The following TTC6 variants were observed in gnomAD, a reference collection of about 807,000 sequenced individuals.
TTC6 encodes the protein tetratricopeptide repeat protein 6.
A neutral mutation model predicts 210.4 loss-of-function variants in TTC6; 172 were observed. That is an observed-to-expected ratio of 0.82 (90% CI 0.72 to 0.93). TTC6 has a LOEUF of 0.93. Ranked by LOEUF, TTC6 falls within the 40% of genes least tolerant of loss-of-function variation. The probability of loss-of-function intolerance (pLI) is 0.00; values close to 1 mark genes in which losing one functional copy is unlikely to be tolerated. For missense variants in TTC6, 2,414 were observed against 2,318.1 expected, an observed-to-expected ratio of 1.04 and a Z score of -0.85; for synonymous variants, 804 against 819.6, an observed-to-expected ratio of 0.98 and a Z score of 0.32.
intron 1 of TTC6, among the ~76,000 whole-genome samples, chr14:37,675,051 A>G (rs1001761920): frequency 6.6e-6 from 1 of 151,894 alleles, no homozygotes; most frequent in African/African-American, 2.4e-5. Context: ...ATCACATCCA[A>G]TTACTTTTTT....
intron 6 of TTC6, among the ~76,000 whole-genome samples, chr14:37,718,847 A>G (rs899118641): frequency 2.0e-5 from 3 of 152,066 alleles, no homozygotes; most frequent in Admixed American, 6.6e-5. Context: ...GTGAGGTGGG[A>G]AGATAACCTG....
chr14:37,732,814 T>G (rs2095891327), intron 7 of TTC6, among the ~76,000 whole-genome samples: 1 of 150,432 alleles, frequency 6.6e-6, no homozygotes, highest in African/African-American at 2.4e-5. Context: ...GAGACGGGGT[T>G]TCACCATGGC....
chr14:37,805,811 C>T (rs1188682640), intron 21 of TTC6, among the ~76,000 whole-genome samples: 1 of 152,150 alleles, frequency 6.6e-6, no homozygotes, highest in Non-Finnish European at 1.5e-5. Context: ...AGCGATTCTC[C>T]TGCCTCAGCC....
chr14:37,729,078 GAA>G (rs2095879528), intron 7 of TTC6, among the ~76,000 whole-genome samples: 1 of 151,858 alleles, frequency 6.6e-6, no homozygotes, highest in South Asian at 2.1e-4. Flanking sequence ...TAAAATACTT[GAA>G]TATATATATC....
chr14:37,711,152 T>A (rs1423881231), intron 5 of TTC6, among the ~76,000 whole-genome samples: 2 of 152,186 alleles, frequency 1.3e-5, no homozygotes, highest in Non-Finnish European at 2.9e-5. Context: ...CCAATGATTC[T>A]GCTTCCCAGG....
intron 1 of TTC6, among the ~76,000 whole-genome samples, chr14:37,629,295 G>T (rs2095665434): frequency 6.6e-6 from 1 of 152,102 alleles, no homozygotes. Context: ...GCAGTGGTTT[G>T]TAGTTCTCCT....
chr14:37,716,798 C>T (rs964524548), intron 6 of TTC6, among the ~76,000 whole-genome samples: 2 of 152,214 alleles, frequency 1.3e-5, no homozygotes, highest in African/African-American at 2.4e-5. Flanking sequence ...ACAACCTCAT[C>T]AACCAGTAGG....
Position 37,841,651 on chromosome 14 carries a change from T to C in TTC6, c.5505T>C (p.Ala1835=). 3 of 1,603,386 alleles carry C rather than the reference T, an allele frequency of 1.9e-6. No homozygotes were observed. The South Asian group carries it at 3.4e-5, about 18-fold the overall frequency. Residue 1835 remains alanine (A), a synonymous_variant, in exon 30 of 31, where the codon GCT becomes GCC. Coordinates refer to ENST00000553443, the Ensembl canonical transcript of TTC6. ...ACTGCTTAAAGCAATATGAACTAGC[T>C]GAGGAAGACCTTAATAAAGGTACAC...
intron 7 of TTC6, among the ~76,000 whole-genome samples, chr14:37,725,887 A>G (rs766553798): frequency 1.3e-5 from 2 of 152,088 alleles, no homozygotes; most frequent in African/African-American, 2.4e-5. Context: ...AAATGTGGTA[A>G]TCTTTTTCCT....
intron 1 of TTC6, among the ~76,000 whole-genome samples, chr14:37,660,335 G>A (rs555305290): frequency 2.6e-5 from 4 of 152,078 alleles, no homozygotes; most frequent in South Asian, 2.1e-4. Context: ...CATCACTTAG[G>A]TATTAAGCCC....
intron 16 of TTC6, among the ~76,000 whole-genome samples, chr14:37,791,308 A>G (rs892768106): frequency 1.3e-5 from 2 of 152,208 alleles, no homozygotes; most frequent in Non-Finnish European, 2.9e-5. Context: ...TAAAAACACT[A>G]ATACCATGTA....
chr14:37,660,283 T>A (rs770157813), intron 1 of TTC6, among the ~76,000 whole-genome samples: 3 of 152,046 alleles, frequency 2.0e-5, no homozygotes, highest in Non-Finnish European at 2.9e-5. Context: ...GTTTGTTATG[T>A]AGGTAAACGT....
chr14:37,764,316 C>G (rs1159328896), intron 14 of TTC6, among the ~76,000 whole-genome samples: 1 of 152,108 alleles, frequency 6.6e-6, no homozygotes, highest in African/African-American at 2.4e-5. Flanking sequence ...TTCAAGTCCT[C>G]TGTTTCATTG....
Position 37,796,384 on chromosome 14 carries a change from A to G in TTC6, c.3868+14A>G. The G allele has an allele frequency of 9.4e-7, 1 of 1,064,606 alleles. No homozygotes were observed. Among genetic ancestry groups the G allele is most frequent in the Non-Finnish European group, 1.4e-6 (1 of 733,020 alleles). The allele number at this position is 1,064,606 out of a possible 1,614,324, so 65.9% of individuals were successfully genotyped here. A position where few individuals can be genotyped will look rare whatever the true frequency, so the allele number is the denominator to read the frequency against. Reference sequence around the variant, plus strand: ...AAATGGACAAAGGTAAGTATAATTAATTATAACTTTTAAGAAATACTTCTT... The same window carrying G: ...AAATGGACAAAGGTAAGTATAATTAGTTATAACTTTTAAGAAATACTTCTT... On this transcript the variant is annotated intron_variant, in intron 19 of 30. Transcript: ENST00000553443.
chr14:37,732,429 C>T (rs896179459), intron 7 of TTC6, among the ~76,000 whole-genome samples: 5 of 151,528 alleles, frequency 3.3e-5, no homozygotes, highest in East Asian at 1.9e-4. Flanking sequence ...GTGATCTGCC[C>T]GCCTTGGCCT....
In TTC6 at chr14:37,694,228, A is replaced by G. The variant is rs370568594; in HGVS notation, c.1258-2489A>G. On this transcript the variant is annotated intron_variant, in intron 3 of 30. Coordinates refer to ENST00000553443, the Ensembl canonical transcript of TTC6. ...CCCATCTTGCAAGGAATTAATAACC[A>G]GGATATATGAGGAGCTCAAACAACT... Among the ~76,000 whole-genome samples the G allele has an allele frequency of 4.1e-4, 63 of 152,356 alleles. 1 individual carries two copies. In the South Asian group the frequency reaches 6.6e-3, roughly 16 times the overall value.
chr14:37,631,828 T>C (rs981291408), intron 1 of TTC6, among the ~76,000 whole-genome samples: 10 of 152,174 alleles, frequency 6.6e-5, no homozygotes, highest in African/African-American at 1.4e-4. Context: ...TTCTTTTTTC[T>C]CTAATCTTGT....
chr14:37,662,489 C>T (rs1176604771), intron 1 of TTC6, among the ~76,000 whole-genome samples: 1 of 152,062 alleles, frequency 6.6e-6, no homozygotes, highest in Non-Finnish European at 1.5e-5. Context: ...GCCTTGCATC[C>T]TGGGACTGAA....
chr14:37,696,572 A>G (rs1046680115), intron 3 of TTC6, 145 bp from the exon 6 acceptor site: 1 of 395,178 alleles, frequency 2.5e-6, no homozygotes, highest in Non-Finnish European at 4.4e-6. Flanking sequence ...TTTAGAGGAA[A>G]CTATCAATTT....
Sources: allele counts gnomAD v4.1 joint callset (sites outside exome capture counted in the v4.1 genomes callset), GRCh38; gene constraint gnomAD v4.1.1; transcripts MANE v1.5; gene names NCBI Gene and HGNC (gene_info 2026-07-23, HGNC 2026-07-21).